The following CTNND2 variants were observed in gnomAD, a reference collection of about 807,000 sequenced individuals.
CTNND2 encodes catenin delta-2.
CTNND2 carries 22 observed loss-of-function variants against 144.4 expected under a neutral mutation model. That is an observed-to-expected ratio of 0.15 (90% CI 0.11 to 0.22). CTNND2 has a LOEUF of 0.22. CTNND2 is among the 10% of genes least tolerant of loss of function. The pLI is 1.00. For missense variants in CTNND2, 1,353 were observed against 1,618.8 expected, an observed-to-expected ratio of 0.84 and a Z score of 2.82; for synonymous variants, 751 against 695.6, an observed-to-expected ratio of 1.08 and a Z score of -1.25.
At chr5:10,989,613 C>T (rs1283918108) in intron 19 of CTNND2, among the ~76,000 whole-genome samples, 1 of 152,176 alleles carries the variant, frequency 6.6e-6, no homozygotes, top group African/African-American at 2.4e-5. Context: ...TCTCTTTGCT[C>T]CTTGGGTCTG....
chr5:11,342,802 C>T (rs1331999467), intron 9 of CTNND2, among the ~76,000 whole-genome samples: 2 of 152,176 alleles, frequency 1.3e-5, no homozygotes, highest in Non-Finnish European at 2.9e-5. Flanking sequence ...TCACTACCAA[C>T]ATGACTGACA....
intron 2 of CTNND2, among the ~76,000 whole-genome samples, chr5:11,573,574 G>A (rs965139997): frequency 6.6e-6 from 1 of 152,154 alleles, no homozygotes; most frequent in African/African-American, 2.4e-5. Context: ...AAGATGGAAT[G>A]GAACAAATCA....
rs1346430555 is a variant in CTNND2, at chr5:11,857,736, T to C, written c.37+46081A>G. Among the ~76,000 whole-genome samples, 3 of 152,186 alleles carry C rather than the reference T, an allele frequency of 2.0e-5. No homozygotes were observed. The East Asian group carries it at 5.8e-4, about 29-fold the overall frequency. On this transcript the variant is annotated intron_variant, in intron 1 of 21. Coordinates refer to ENST00000304623, the MANE Select transcript of CTNND2 (RefSeq NM_001332.4). ...ATTGGATCAGGGACTACCTATGCTA[T>C]TAACGAAAAAATATCTTCTCTATAA...
intron 7 of CTNND2, among the ~76,000 whole-genome samples, chr5:11,383,793 G>A (rs992509370): frequency 1.5e-4 from 23 of 152,110 alleles, no homozygotes; most frequent in African/African-American, 4.3e-4. Context: ...CAATAAATCC[G>A]GGTTAGTTGT....
intron 13 of CTNND2, among the ~76,000 whole-genome samples, chr5:11,117,204 G>A (rs1753639155): frequency 1.3e-5 from 2 of 151,824 alleles, no homozygotes; most frequent in Non-Finnish European, 2.9e-5. Flanking sequence ...GAACACCTGT[G>A]GTTTGAGTAA....
intron 2 of CTNND2, among the ~76,000 whole-genome samples, chr5:11,688,740 G>T (rs777043112): frequency 2.8e-4 from 42 of 152,156 alleles, no homozygotes; most frequent in Non-Finnish European, 4.6e-4. Context: ...TGCTTGTAAA[G>T]AATGCAAGAA....
At chr5:11,198,030 G>A (rs972430720) in intron 11 of CTNND2, among the ~76,000 whole-genome samples, 3 of 152,160 alleles carry the variant, frequency 2.0e-5, no homozygotes, top group Non-Finnish European at 4.4e-5. Flanking sequence ...CTGCACGGAA[G>A]CCTCCTGTCC....
intron 9 of CTNND2, among the ~76,000 whole-genome samples, chr5:11,279,250 C>A (rs1387086754): frequency 6.6e-6 from 1 of 152,126 alleles, no homozygotes; most frequent in Admixed American, 6.5e-5. Flanking sequence ...ACATTTGAAA[C>A]CAAATATGAC....
intron 3 of CTNND2, among the ~76,000 whole-genome samples, chr5:11,533,311 C>T (rs976932879): frequency 6.6e-6 from 1 of 152,220 alleles, no homozygotes; most frequent in East Asian, 1.9e-4. Context: ...GCTTCAACAG[C>T]CCTTTAATGT....
chr5:11,504,176 C>G (rs1054354030), intron 3 of CTNND2, among the ~76,000 whole-genome samples: 4 of 152,180 alleles, frequency 2.6e-5, no homozygotes, highest in Non-Finnish European at 5.9e-5. Context: ...GACAGGGAAC[C>G]TGATGCTCCT....
At chr5:11,502,958 G>A (rs771094388) in intron 3 of CTNND2, among the ~76,000 whole-genome samples, 2 of 152,318 alleles carry the variant, frequency 1.3e-5, no homozygotes, top group Non-Finnish European at 2.9e-5. Context: ...TCAAATAGGA[G>A]TTCTAATGAA....
At chr5:11,807,482 G>GT (rs1467766045) in intron 1 of CTNND2, among the ~76,000 whole-genome samples, 2 of 152,140 alleles carry the variant, frequency 1.3e-5, no homozygotes, top group Non-Finnish European at 2.9e-5. Flanking sequence ...GTGTTCCACA[G>GT]TATTACATTA....
chr5:11,733,044 C>T (rs1181441112), intron 1 of CTNND2, among the ~76,000 whole-genome samples: 1 of 152,198 alleles, frequency 6.6e-6, no homozygotes, highest in Admixed American at 6.5e-5. Flanking sequence ...CTCTGCACCT[C>T]TTCCCCCATA....
chr5:11,291,214 T>G (rs1383381540), intron 9 of CTNND2, among the ~76,000 whole-genome samples: 1 of 152,178 alleles, frequency 6.6e-6, no homozygotes, highest in Non-Finnish European at 1.5e-5. Context: ...GAGCCACTTC[T>G]TCCCACAAAT....
intron 16 of CTNND2, among the ~76,000 whole-genome samples, chr5:11,081,965 T>C (rs186704696): frequency 1.3e-5 from 2 of 152,350 alleles, no homozygotes; most frequent in East Asian, 3.9e-4. Context: ...GACTTTAAAG[T>C]GGTCAATTTT....
At chr5:11,181,683 CTGTGTGGTGTG>C (rs1291612378) in intron 11 of CTNND2, among the ~76,000 whole-genome samples, 1 of 144,142 alleles carries the variant, frequency 6.9e-6, no homozygotes, top group Admixed American at 6.9e-5. Context: ...GTGTGTGTGT[CTGTGTGGTGTG>C]TGTGTGGTGT....
intron 3 of CTNND2, among the ~76,000 whole-genome samples, chr5:11,430,401 T>C (rs529643460): frequency 1.1e-4 from 15 of 137,438 alleles, no homozygotes; most frequent in African/African-American, 4.0e-4. Flanking sequence ...AAAATAATGA[T>C]GTAGGTGAGG....
intron 11 of CTNND2, among the ~76,000 whole-genome samples, chr5:11,192,415 T>C (rs534706337): frequency 1.2e-4 from 19 of 152,092 alleles, no homozygotes; most frequent in Non-Finnish European, 2.6e-4. Flanking sequence ...TCAGGACCTA[T>C]GAATGGGCTC....
chr5:11,535,870 G>A (rs1774169239), intron 3 of CTNND2, among the ~76,000 whole-genome samples: 1 of 152,118 alleles, frequency 6.6e-6, no homozygotes, highest in Non-Finnish European at 1.5e-5. Context: ...TGTCTTGAAT[G>A]CTTGACTTTC....
Sources: allele counts gnomAD v4.1 joint callset (sites outside exome capture counted in the v4.1 genomes callset), GRCh38; gene constraint gnomAD v4.1.1; transcripts MANE v1.5; gene names NCBI Gene and HGNC (gene_info 2026-07-23, HGNC 2026-07-21).